The following ESR1 variants were observed in gnomAD, a reference collection of about 807,000 sequenced individuals.
ESR1 encodes estrogen receptor.
In ESR1, 12 loss-of-function variants were observed where a neutral mutation model predicts 52.7. The ratio of observed to expected loss-of-function variants is 0.23; its 90% CI spans 0.15 to 0.37. The LOEUF (loss-of-function observed/expected upper bound fraction) is 0.37, where lower values mean the gene tolerates loss of function less well. Ranked by LOEUF, ESR1 falls within the 10% of genes least tolerant of loss-of-function variation. The probability of loss-of-function intolerance (pLI) is 1.00; values close to 1 mark genes in which losing one functional copy is unlikely to be tolerated. For missense variants in ESR1, 584 were observed against 779.7 expected (o/e 0.75, Z 2.99); for synonymous variants, 305 against 316.8 (o/e 0.96, Z 0.39).
At chr6:151,789,765 C>T (rs1787351071) in intron 2 of ESR1, among the ~76,000 whole-genome samples, 1 of 152,188 alleles carries the variant, frequency 6.6e-6, no homozygotes, top group Non-Finnish European at 1.5e-5. Context: ...CAACTCCTCC[C>T]CTTTCCCAGT....
chr6:151,677,044 TCTCA>T lies in ESR1; in HGVS notation n.73+20285_73+20288del, dbSNP rs573031343. Among the ~76,000 whole-genome samples the T allele has an allele frequency of 2.2e-4, 33 of 152,248 alleles. No individual in the cohort carries two copies. The South Asian group carries it at 6.9e-3, about 32-fold the overall frequency. On this transcript the variant is annotated intron_variant and non_coding_transcript_variant, in intron 1 of 2. Transcript: ENST00000473497. ...ACATATATATCCATAAAGATGAGGG[TCTCA>T]CTCTGTCATCCAGGCTGATCTCAAA...
intron 1 of ESR1, among the ~76,000 whole-genome samples, chr6:151,823,914 T>TAGTG: frequency 6.6e-6 from 1 of 152,346 alleles, no homozygotes; most frequent in Non-Finnish European, 1.5e-5. Context: ...TTATTGTGTA[T>TAGTG]AGTGCCACAA....
intron 5 of ESR1, among the ~76,000 whole-genome samples, chr6:152,055,295 A>G (rs1340452027): frequency 6.6e-6 from 1 of 152,166 alleles, no homozygotes; most frequent in Admixed American, 6.5e-5. Flanking sequence ...TAATTTACAT[A>G]TCCAACCAAG....
chr6:152,079,556 A>C (rs1202053687), intron 6 of ESR1, among the ~76,000 whole-genome samples: 1 of 152,248 alleles, frequency 6.6e-6, no homozygotes, highest in African/African-American at 2.4e-5. Flanking sequence ...AAAAGTGGAA[A>C]ATTCCAAAAA....
chr6:151,771,381 C>A (rs1042823107), intron 2 of ESR1, among the ~76,000 whole-genome samples: 5 of 152,210 alleles, frequency 3.3e-5, no homozygotes, highest in Non-Finnish European at 7.3e-5. Flanking sequence ...ACTCTTCAGT[C>A]TGCTTTGTTC....
downstream of ESR1, among the ~76,000 whole-genome samples, chr6:152,106,273 T>C (rs2051066161): frequency 6.6e-6 from 1 of 152,220 alleles, no homozygotes; most frequent in African/African-American, 2.4e-5. Context: ...TTTCTATCTT[T>C]TTAAAAAAAT....
chr6:152,105,012 T>TAGAA (rs2051046448), downstream of ESR1, among the ~76,000 whole-genome samples: 10 of 152,144 alleles, frequency 6.6e-5, no homozygotes, highest in Admixed American at 2.0e-4. Flanking sequence ...AGAGAGCTTC[T>TAGAA]AGGTTGGTGA....
chr6:151,701,924 C>T (rs527948771), exon 2 of ESR1: 4 of 152,216 alleles, frequency 2.6e-5, no homozygotes, highest in Admixed American at 6.5e-5. Context: ...TCACATTCTC[C>T]GGGACTGCGG....
At position 151,906,440 on chromosome 6, in the gene ESR1, T is replaced by G. The variant is rs1240243085; in HGVS notation, c.760+25669T>G. Among the ~76,000 whole-genome samples the G allele has an allele frequency of 2.0e-5, 3 of 151,914 alleles. No homozygotes were observed. In the East Asian group the frequency reaches 5.8e-4, roughly 29 times the overall value. On this transcript the variant is annotated intron_variant, in intron 3 of 7. Transcript: ENST00000206249. Reference sequence around the variant, plus strand: ...AAAAATAAGTTGATAGTGAATTTTATCTAGGATTCTTAAGACATTTTTAAT... The same window carrying G: ...AAAAATAAGTTGATAGTGAATTTTAGCTAGGATTCTTAAGACATTTTTAAT...
chr6:151,766,259 G>A (rs181489923), intron 2 of ESR1, among the ~76,000 whole-genome samples: 2 of 152,274 alleles, frequency 1.3e-5, no homozygotes, highest in Admixed American at 6.5e-5. Flanking sequence ...TTCAGAGGTG[G>A]ATTTCCTGAA....
intron 4 of ESR1, among the ~76,000 whole-genome samples, chr6:151,956,863 A>AAAAT (rs1554293654): frequency 7.4e-5 from 4 of 53,902 alleles, no homozygotes; most frequent in East Asian, 9.2e-4. Flanking sequence ...TATATATATA[A>AAAAT]ATATATATAT....
chr6:151,761,582 T>C (rs889028177), intron 2 of ESR1, among the ~76,000 whole-genome samples: 20 of 152,202 alleles, frequency 1.3e-4, no homozygotes, highest in African/African-American at 4.8e-4. Context: ...TAAAATAGGA[T>C]ATTAATAGAA....
chr6:151,970,451 C>T (rs530033122), intron 4 of ESR1, among the ~76,000 whole-genome samples: 21 of 152,228 alleles, frequency 1.4e-4, no homozygotes, highest in African/African-American at 4.6e-4. Flanking sequence ...TTGAGTCTTT[C>T]TGGTCTTCTA....
intron 4 of ESR1, among the ~76,000 whole-genome samples, chr6:151,956,355 A>T (rs867279639): frequency 6.6e-6 from 1 of 152,254 alleles, no homozygotes; most frequent in Non-Finnish European, 1.5e-5. Flanking sequence ...CAGAACGTTC[A>T]TTCTACTGTA....
chr6:152,122,058 T>A (rs1437500772), intron 6 of ESR1: 1 of 307,854 alleles, frequency 3.2e-6, no homozygotes, highest in Non-Finnish European at 6.3e-6. Flanking sequence ...GTCATTTATC[T>A]GATGGTTGGA....
At chr6:151,827,735 C>T (rs7759411) in intron 1 of ESR1, among the ~76,000 whole-genome samples, 9,085 of 152,128 alleles carry the variant, frequency 0.06, 531 homozygotes, top group South Asian at 0.15. Context: ...CTTTGAAGGT[C>T]GAGCTGATGA....
intron 2 of ESR1, among the ~76,000 whole-genome samples, chr6:151,714,030 G>C (rs547579754): frequency 3.9e-5 from 6 of 152,118 alleles, no homozygotes; most frequent in African/African-American, 1.4e-4. Flanking sequence ...AGAGATTCTG[G>C]TATGTTCTGT....
At chr6:152,077,938 T>C (rs1000452612) in intron 6 of ESR1, among the ~76,000 whole-genome samples, 5 of 152,208 alleles carry the variant, frequency 3.3e-5, no homozygotes, top group Non-Finnish European at 7.3e-5. Flanking sequence ...TGGTTAATTC[T>C]GAAATGAGTT....
intron 2 of ESR1, among the ~76,000 whole-genome samples, chr6:151,750,152 A>C (rs568326058): frequency 6.6e-6 from 1 of 152,260 alleles, no homozygotes; most frequent in East Asian, 1.9e-4. Flanking sequence ...TAGATTCAAG[A>C]GTTTTATATA....
Sources: allele counts gnomAD v4.1 joint callset (sites outside exome capture counted in the v4.1 genomes callset), GRCh38; gene constraint gnomAD v4.1.1; transcripts MANE v1.5; gene names NCBI Gene and HGNC (gene_info 2026-07-23, HGNC 2026-07-21).